NTRK3: variants seen among roughly 807,000 people sequenced by gnomAD.
NTRK3 encodes NT-3 growth factor receptor.
In NTRK3, 24 loss-of-function variants were observed where a neutral mutation model predicts 91.7. That is an observed-to-expected ratio of 0.26 (90% CI 0.19 to 0.37). NTRK3 has a LOEUF of 0.37. Ranked by LOEUF, NTRK3 falls within the 10% of genes least tolerant of loss-of-function variation. The pLI is 1.00. For missense variants in NTRK3, 880 were observed against 1,068.9 expected (o/e 0.82, Z 2.46); for synonymous variants, 483 against 404.0 (o/e 1.20, Z -2.34).
chr15:88,198,072 A>G lies in NTRK3; in HGVS notation c.249-13773T>C, dbSNP rs189571958. On this transcript the variant is annotated intron_variant, in intron 3 of 18. Transcript: ENST00000394480. ...AAAGCCCTAGCACATTCCCTGAAATATGCTAGGGCTCAAAGAATGTTTATT... is the reference window on the plus strand; with the variant it reads ...AAAGCCCTAGCACATTCCCTGAAATGTGCTAGGGCTCAAAGAATGTTTATT... Among the ~76,000 whole-genome samples, 6 of 152,332 alleles carry G rather than the reference A, an allele frequency of 3.9e-5. No individual in the cohort carries two copies. In the East Asian group the frequency reaches 1.2e-3, roughly 29 times the overall value.
At chr15:88,096,645 C>T (rs891052393) in intron 13 of NTRK3, among the ~76,000 whole-genome samples, 1 of 152,178 alleles carries the variant, frequency 6.6e-6, no homozygotes, top group Admixed American at 6.5e-5. Flanking sequence ...GTAATTAATA[C>T]CACTGGAACA....
chr15:87,929,939 A>G (rs546939652), intron 16 of NTRK3, among the ~76,000 whole-genome samples: 5 of 152,304 alleles, frequency 3.3e-5, no homozygotes, highest in African/African-American at 1.2e-4. Context: ...AGGATCTGAA[A>G]CCAGACATGT....
At position 88,233,829 on chromosome 15, in the gene NTRK3, C is replaced by T. The variant is rs1265877197; in HGVS notation, c.248+22077G>A. Among the ~76,000 whole-genome samples the T allele has an allele frequency of 2.6e-5, 4 of 152,106 alleles. No homozygotes were observed. Among genetic ancestry groups the T allele is most frequent in the African/African-American group, 9.7e-5 (4 of 41,396 alleles). ...CCTTGTCCAAGAGAATCTCTACTCC[C>T]TCTGGCCTCCCTAGAACAAAGCCAG... On this transcript the variant is annotated intron_variant, in intron 3 of 18. Transcript: ENST00000394480. This position sits in a 1 kb window ranked among gnomAD's most constrained non-coding sequence, Gnocchi z 4.2.
At chr15:88,145,270 A>T (rs952929990) in intron 6 of NTRK3, among the ~76,000 whole-genome samples, 1 of 152,204 alleles carries the variant, frequency 6.6e-6, no homozygotes, top group African/African-American at 2.4e-5. Flanking sequence ...CAGCCAAAAG[A>T]TGAATTTTCC....
chr15:88,106,564 G>T (rs867938095), intron 13 of NTRK3, among the ~76,000 whole-genome samples: 1 of 152,142 alleles, frequency 6.6e-6, no homozygotes, highest in African/African-American at 2.4e-5. Context: ...AAGAAAGAGT[G>T]TTGTGTGAAA....
At chr15:87,928,023 A>G (rs1343948638) in intron 17 of NTRK3, 2 of 152,080 alleles carry the variant, frequency 1.3e-5, no homozygotes, top group African/African-American at 4.8e-5. Context: ...TCTGTCGCCC[A>G]GGCTGGAGTG....
At chr15:88,028,518 G>C (rs1452073061) in intron 14 of NTRK3, among the ~76,000 whole-genome samples, 1 of 152,126 alleles carries the variant, frequency 6.6e-6, no homozygotes, top group Admixed American at 6.5e-5. Context: ...ACCTACAAGA[G>C]GTGTGGCGAT....
At chr15:88,063,898 T>C (rs946923150) in intron 13 of NTRK3, among the ~76,000 whole-genome samples, 10 of 152,368 alleles carry the variant, frequency 6.6e-5, no homozygotes, top group Admixed American at 2.6e-4. Flanking sequence ...GTCACTGTAG[T>C]GACTTGTACA....
intron 3 of NTRK3, among the ~76,000 whole-genome samples, chr15:88,217,116 A>G (rs1019980240): frequency 2.0e-5 from 3 of 152,146 alleles, no homozygotes; most frequent in African/African-American, 7.2e-5. Flanking sequence ...ACAAAAAATA[A>G]CAAGAGTTGG....
Position 88,135,414 on chromosome 15 carries a change from C to T in NTRK3, c.908-17G>A. Reference sequence around the variant, plus strand: ...GTGGGGGATCTGTCAAGGGAGAAGCCTGCTGAAATCCAGGACACAGAGTCT... The same window carrying T: ...GTGGGGGATCTGTCAAGGGAGAAGCTTGCTGAAATCCAGGACACAGAGTCT... On this transcript the variant is annotated splice_polypyrimidine_tract_variant and intron_variant, in intron 9 of 18. Transcript: ENST00000394480. The T allele has an allele frequency of 6.2e-7, 1 of 1,611,606 alleles. No individual in the cohort carries two copies. Among genetic ancestry groups the T allele is most frequent in the Non-Finnish European group, 8.5e-7 (1 of 1,179,618 alleles).
At chr15:87,882,777 A>G (rs1211329239) in intron 17 of NTRK3, among the ~76,000 whole-genome samples, 2 of 152,134 alleles carry the variant, frequency 1.3e-5, no homozygotes, top group Non-Finnish European at 2.9e-5. Flanking sequence ...TAGAAATAGT[A>G]CATATAGCTT....
At chr15:88,227,005 C>A (rs2050731487) in intron 3 of NTRK3, among the ~76,000 whole-genome samples, 1 of 152,192 alleles carries the variant, frequency 6.6e-6, no homozygotes, top group Non-Finnish European at 1.5e-5. Context: ...ACTTTCCCTC[C>A]TTTTACAGAG....
chr15:87,986,593 C>A (rs1399840163), intron 14 of NTRK3, among the ~76,000 whole-genome samples: 1 of 152,200 alleles, frequency 6.6e-6, no homozygotes, highest in Non-Finnish European at 1.5e-5. Flanking sequence ...CTAGATTTAT[C>A]CATGTTGATA....
At chr15:87,976,338 A>G (rs1245425584) in intron 14 of NTRK3, among the ~76,000 whole-genome samples, 1 of 152,202 alleles carries the variant, frequency 6.6e-6, no homozygotes, top group East Asian at 1.9e-4. Flanking sequence ...AAGATAAAGC[A>G]ACTGAGGGTA....
At chr15:88,186,421 T>C (rs1002109272) in intron 3 of NTRK3, among the ~76,000 whole-genome samples, 1 of 152,180 alleles carries the variant, frequency 6.6e-6, no homozygotes, top group African/African-American at 2.4e-5. Flanking sequence ...GAGAAATGAA[T>C]GAACTCCTTG....
chr15:88,228,754 G>A lies in NTRK3; in HGVS notation c.248+27152C>T, dbSNP rs11852738. 3.8e-3 allele frequency among the ~76,000 whole-genome samples: 577 copies of A among 152,284 alleles called. 6 individuals are homozygous for A. The highest frequency in any genetic ancestry group is 0.013 in the African/African-American group (553 of 41,556). On this transcript the variant is annotated intron_variant, in intron 3 of 18. Transcript: ENST00000394480. ...ACAGAGGGGAACTGGAGGTCTGCAA[G>A]CCAACAAGCTCTCTAGATATGGCAG...
intron 6 of NTRK3, among the ~76,000 whole-genome samples, chr15:88,145,269 G>C (rs1456804440): frequency 6.6e-6 from 1 of 152,210 alleles, no homozygotes; most frequent in Non-Finnish European, 1.5e-5. Context: ...CCAGCCAAAA[G>C]ATGAATTTTC....
chr15:88,053,826 A>C (rs909137462), intron 13 of NTRK3, among the ~76,000 whole-genome samples: 1 of 152,242 alleles, frequency 6.6e-6, no homozygotes, highest in Non-Finnish European at 1.5e-5. Flanking sequence ...ATACCTTATC[A>C]AAATGAAAGG....
At chr15:88,101,070 T>C (rs926748307) in intron 13 of NTRK3, among the ~76,000 whole-genome samples, 33 of 151,966 alleles carry the variant, frequency 2.2e-4, no homozygotes, top group Middle Eastern at 6.8e-3. Context: ...ACCATCAGAG[T>C]GAACAGGCAA....
Sources: gnomAD v4.1 joint callset for allele counts (sites outside exome capture counted in the v4.1 genomes callset) on GRCh38, gnomAD v4.1.1 for gene constraint, Gnocchi (gnomAD v3.1) non-coding constraint, MANE v1.5 for transcripts, NCBI Gene and HGNC (gene_info 2026-07-23, HGNC 2026-07-21) for gene names.